ASTN1: variants seen among roughly 807,000 people sequenced by gnomAD.
ASTN1 encodes astrotactin-1.
A neutral mutation model predicts 140.7 loss-of-function variants in ASTN1; 41 were observed. The ratio of observed to expected loss-of-function variants is 0.29; its 90% CI spans 0.23 to 0.38. The LOEUF is 0.38. Ranked by LOEUF, ASTN1 falls within the 10% of genes least tolerant of loss-of-function variation. ASTN1 has a pLI of 1.00. For missense variants in ASTN1, 1,479 were observed against 1,678.8 expected (o/e 0.88, Z 2.08); for synonymous variants, 640 against 652.2 (o/e 0.98, Z 0.29).
intron 1 of ASTN1, among the ~76,000 whole-genome samples, chr1:177,128,110 A>T (rs1198116208): frequency 6.6e-6 from 1 of 152,336 alleles, no homozygotes; most frequent in East Asian, 1.9e-4. Context: ...TTTAAAGGTT[A>T]TTCACATAAT....
intron 1 of ASTN1, among the ~76,000 whole-genome samples, chr1:177,097,114 A>G (rs917013565): frequency 2.6e-5 from 4 of 152,126 alleles, no homozygotes; most frequent in African/African-American, 9.7e-5. Flanking sequence ...ACAAAAACCC[A>G]GTTTAGAGCA....
Position 176,888,091 on chromosome 1 carries a change from A to G in ASTN1, c.3054T>C (p.Cys1018=). 3.7e-6 allele frequency: 6 copies of G among 1,614,164 alleles called. No individual in the cohort carries two copies. The highest frequency in any genetic ancestry group is 3.4e-6 in the Non-Finnish European group (4 of 1,180,020). Residue 1018 remains cysteine, a synonymous_variant, in exon 18 of 23, where the codon TGT becomes TGC. Transcript: ENST00000361833. ...CATACACAGGCTGTGGGAGAGGCGC[A>G]CAGGTGGGGAGTCCATCAGCTCCAA... ...TAFGADGLPT[C]APLPQPVLRL...
intron 1 of ASTN1, among the ~76,000 whole-genome samples, chr1:177,061,809 C>T (rs1678110270): frequency 6.6e-6 from 1 of 152,166 alleles, no homozygotes; most frequent in Non-Finnish European, 1.5e-5. Context: ...GCTGCATAGT[C>T]CACTGGAGAT....
chr1:177,079,206 A>G (rs1679064262), intron 1 of ASTN1, among the ~76,000 whole-genome samples: 1 of 152,204 alleles, frequency 6.6e-6, no homozygotes, highest in African/African-American at 2.4e-5. Flanking sequence ...CTGGACTTTT[A>G]TAAAACAAGG....
chr1:176,869,858 T>TGCGA (rs1207445760), intron 21 of ASTN1, among the ~76,000 whole-genome samples: 13 of 152,088 alleles, frequency 8.5e-5, no homozygotes, highest in Admixed American at 1.3e-4. Context: ...AGGCAGTGCT[T>TGCGA]GCGAGTGATG....
chr1:177,147,516 A>G (rs941435424), intron 1 of ASTN1, among the ~76,000 whole-genome samples: 1 of 152,250 alleles, frequency 6.6e-6, no homozygotes, highest in African/African-American at 2.4e-5. Context: ...CTGAGAATAC[A>G]GGAGTACAAA....
chr1:176,857,478 G>T, downstream of ASTN1: 1 of 415,854 alleles, frequency 2.4e-6, no homozygotes. Context: ...GCAACATCAG[G>T]GCGCAGCTCC....
At chr1:176,978,985 C>T (rs1673486151) in intron 8 of ASTN1, among the ~76,000 whole-genome samples, 1 of 152,118 alleles carries the variant, frequency 6.6e-6, no homozygotes, top group African/African-American at 2.4e-5. Flanking sequence ...GCTCTGTACT[C>T]TGGGGATACA....
chr1:176,862,213 T>G lies in ASTN1; in HGVS notation c.*2071A>C. 10 of 985,382 alleles carry G rather than the reference T, an allele frequency of 1.0e-5. No homozygotes were observed. The highest frequency in any genetic ancestry group is 1.2e-5 in the Non-Finnish European group (10 of 829,938). The allele number at this position is 985,382 out of a possible 1,614,324, so 61.0% of individuals were successfully genotyped here. Reference sequence around the variant, plus strand: ...CCAATTTTTCTGCTGATCTTTGCTTTGAAAGTAGGGGAATCTCTGAGGCAG... The same window carrying G: ...CCAATTTTTCTGCTGATCTTTGCTTGGAAAGTAGGGGAATCTCTGAGGCAG... On this transcript the variant is annotated 3_prime_UTR_variant, in exon 23 of 23. Coordinates refer to ENST00000361833, the MANE Select transcript of ASTN1 (RefSeq NM_004319.3).
At chr1:176,884,187 G>C (rs1022979897) in intron 19 of ASTN1, 152 bp downstream of exon 19, 32 of 878,034 alleles carry the variant, frequency 3.6e-5, no homozygotes, top group Non-Finnish European at 5.3e-5. Context: ...CTGCTTCCTG[G>C]AGAAGAAGAA....
chr1:176,863,754 G>A lies in ASTN1; in HGVS notation c.*530C>T. On this transcript the variant is annotated 3_prime_UTR_variant, in exon 23 of 23. Coordinates refer to ENST00000361833, the MANE Select transcript of ASTN1 (RefSeq NM_004319.3). The stretch of plus-strand genomic sequence containing the variant: ...AGAAAACCAGGAGACACAGACAAGG[G>A]CCACCTTCCTCAATTTTCTATTGTC... The A allele has an allele frequency of 1.0e-6, 1 of 987,206 alleles. No individual in the cohort carries two copies. Among genetic ancestry groups the A allele is most frequent in the Non-Finnish European group, 1.2e-6 (1 of 831,134 alleles). 61.2% of individuals were successfully genotyped at this position (987,206 alleles called of 1,614,324 possible). A position where few individuals can be genotyped will look rare whatever the true frequency, so the allele number is the denominator to read the frequency against.
At chr1:176,871,114 CT>C (rs774969787) in intron 21 of ASTN1, among the ~76,000 whole-genome samples, 11 of 152,128 alleles carry the variant, frequency 7.2e-5, no homozygotes, top group Non-Finnish European at 1.0e-4. Context: ...GATGGAAAAT[CT>C]GGGATGACTC....
chr1:177,119,162 G>A (rs1473698227), intron 1 of ASTN1, among the ~76,000 whole-genome samples: 1 of 151,922 alleles, frequency 6.6e-6, no homozygotes, highest in Admixed American at 6.6e-5. Context: ...TTGTTTCTTT[G>A]GCTGTGTGTA....
intron 1 of ASTN1, among the ~76,000 whole-genome samples, chr1:177,145,396 A>G (rs1024149018): frequency 6.6e-6 from 1 of 152,194 alleles, no homozygotes; most frequent in African/African-American, 2.4e-5. Context: ...CAAAACCCTC[A>G]AGATAGTGGC....
chr1:176,965,017 G>T, intron 9 of ASTN1, 146 bp downstream of exon 9: 1 of 731,984 alleles, frequency 1.4e-6, no homozygotes, highest in Non-Finnish European at 2.4e-6. Context: ...GGGCATGACT[G>T]GGGGCAAACA....
rs965395129 is a variant in ASTN1, at chr1:177,135,283, T to G, written c.283+29111A>C. On this transcript the variant is annotated intron_variant, in intron 1 of 22. Coordinates refer to ENST00000361833, the MANE Select transcript of ASTN1 (RefSeq NM_004319.3). Reference sequence around the variant, plus strand: ...TAGTTAATTCATATGTTGAGTATATTTGATACTAGATCCTAGTACACTCAC... The same window carrying G: ...TAGTTAATTCATATGTTGAGTATATGTGATACTAGATCCTAGTACACTCAC... Among the ~76,000 whole-genome samples the G allele has an allele frequency of 1.5e-4, 23 of 151,962 alleles. No individual in the cohort carries two copies. In the South Asian group the frequency reaches 2.9e-3, roughly 19 times the overall value.
intron 16 of ASTN1, among the ~76,000 whole-genome samples, chr1:176,899,888 A>G (rs1313285236): frequency 6.6e-6 from 1 of 152,218 alleles, no homozygotes; most frequent in African/African-American, 2.4e-5. Flanking sequence ...AATGCAATGG[A>G]TTAATAATTA....
At chr1:177,150,150 C>G (rs1160808017) in intron 1 of ASTN1, among the ~76,000 whole-genome samples, 1 of 151,972 alleles carries the variant, frequency 6.6e-6, no homozygotes, top group African/African-American at 2.4e-5. Flanking sequence ...AAGGCAACAT[C>G]TTATGCTAAG....
At chr1:177,013,512 T>C (rs2101937410) in intron 8 of ASTN1, among the ~76,000 whole-genome samples, 1 of 152,264 alleles carries the variant, frequency 6.6e-6, no homozygotes, top group East Asian at 1.9e-4. Context: ...CTCCAAACGC[T>C]CACCCATTTG....
Sources: gnomAD v4.1 joint callset for allele counts (sites outside exome capture counted in the v4.1 genomes callset) on GRCh38, gnomAD v4.1.1 for gene constraint, MANE v1.5 for transcripts, NCBI Gene and HGNC (gene_info 2026-07-23, HGNC 2026-07-21) for gene names.